ESPNL: variants seen among roughly 807,000 people sequenced by gnomAD.
The protein encoded by ESPNL is espin-like protein.
ESPNL carries 49 observed loss-of-function variants against 46.8 expected under a neutral mutation model. The observed-to-expected ratio is 1.05, with a 90% CI of 0.83 to 1.33. ESPNL has a LOEUF of 1.33. ESPNL is among the 40% of genes most tolerant of loss of function. The pLI, the probability that ESPNL is intolerant of heterozygous loss-of-function variation, is 0.00. For missense variants in ESPNL, 1,540 were observed against 1,436.6 expected, an observed-to-expected ratio of 1.07 and a Z score of -1.16; for synonymous variants, 664 against 662.1, an observed-to-expected ratio of 1.00 and a Z score of -0.04.
In ESPNL at chr2:238,130,626, C is replaced by T. The variant is rs763931737; in HGVS notation, c.1912C>T (p.Arg638Trp). 1.7e-5 allele frequency: 26 copies of T among 1,562,164 alleles called. No individual in the cohort carries two copies. Among genetic ancestry groups the T allele is most frequent in the Middle Eastern group, 1.7e-4 (1 of 6,012 alleles). ...TCREASASPPRSEAQRQIQEW... is the reference protein window; with the variant it reads ...TCREASASPPWSEAQRQIQEW... ...CAGGGAGGCCTCGGCCAGCCCCCCTCGGAGCGAGGCCCAGCGCCAGATCCA... is the reference window on the plus strand; with the variant it reads ...CAGGGAGGCCTCGGCCAGCCCCCCTTGGAGCGAGGCCCAGCGCCAGATCCA... The change falls in exon 9 of 9, where the codon CGG (arginine) becomes TGG (tryptophan). Residue 638 changes from arginine (R) to tryptophan (W), a missense_variant. Coordinates refer to ENST00000343063, the MANE Select transcript of ESPNL (RefSeq NM_194312.4).
chr2:238,110,975 C>T (rs1314641577), intron 4 of ESPNL, among the ~76,000 whole-genome samples: 5 of 85,464 alleles, frequency 5.9e-5, no homozygotes, highest in Admixed American at 1.6e-4. Context: ...TTTTTTGAGA[C>T]GGAGTCTCAC....
intron 3 of ESPNL, among the ~76,000 whole-genome samples, chr2:238,105,962 T>C (rs1261292114): frequency 6.6e-6 from 1 of 152,122 alleles, no homozygotes; most frequent in African/African-American, 2.4e-5. Flanking sequence ...CACTGCACCC[T>C]GTGCCTGGCA....
chr2:238,109,919 C>T (rs55976523), intron 4 of ESPNL, among the ~76,000 whole-genome samples: 1,515 of 55,644 alleles, frequency 0.027, 106 homozygotes, highest in East Asian at 0.12. Flanking sequence ...TAGGATGCCA[C>T]ACGTTACCGA....
rs771233207 is a variant in ESPNL, at chr2:238,130,619, C to T, written c.1905C>T (p.Ser635=). The T allele has an allele frequency of 7.7e-6, 12 of 1,563,222 alleles. No homozygotes were observed. In the East Asian group the frequency reaches 9.5e-5, roughly 12 times the overall value. Residue 635 remains serine (S), a synonymous_variant, in exon 9 of 9, where the codon AGC becomes AGT. Coordinates refer to ENST00000343063, the MANE Select transcript of ESPNL (RefSeq NM_194312.4). ...ACACCTGCAGGGAGGCCTCGGCCAGCCCCCCTCGGAGCGAGGCCCAGCGCC... is the reference window on the plus strand; with the variant it reads ...ACACCTGCAGGGAGGCCTCGGCCAGTCCCCCTCGGAGCGAGGCCCAGCGCC... ...LQDTCREASA[S]PPRSEAQRQI...
At chr2:238,104,531 G>A (rs1691551705) in intron 2 of ESPNL, 125 bp from the exon 3 acceptor site, 1 of 1,128,502 alleles carries the variant, frequency 8.9e-7, no homozygotes, top group East Asian at 2.8e-5. Flanking sequence ...AGCAGCAGCT[G>A]GAAAGCATGT....
In ESPNL at chr2:238,131,834, A is replaced by C; in HGVS notation, c.*102A>C. The C allele has an allele frequency of 1.5e-6, 2 of 1,316,036 alleles. No homozygotes were observed. Among genetic ancestry groups the C allele is most frequent in the Non-Finnish European group, 2.1e-6 (2 of 951,918 alleles). The allele number at this position is 1,316,036 out of a possible 1,614,324, so 81.5% of individuals were successfully genotyped here. A position where few individuals can be genotyped will look rare whatever the true frequency, so the allele number is the denominator to read the frequency against. On this transcript the variant is annotated 3_prime_UTR_variant, in exon 9 of 9. Transcript: ENST00000343063. ...CCTTGGTGTTCAGGTGAGCCGGGCAAGGCTGCCTCCAGTCCTACCAGTTAT... is the reference window on the plus strand; with the variant it reads ...CCTTGGTGTTCAGGTGAGCCGGGCACGGCTGCCTCCAGTCCTACCAGTTAT...
At chr2:238,106,678 G>A (rs553590677) in intron 3 of ESPNL, among the ~76,000 whole-genome samples, 7 of 152,336 alleles carry the variant, frequency 4.6e-5, no homozygotes, top group South Asian at 4.1e-4. Flanking sequence ...GATGAGCGGC[G>A]GCTGCACACA....
Position 238,100,587 on chromosome 2 carries a change from G to C in ESPNL, c.168G>C (p.Val56=). ...ACCTGGACTGCGTCAAGTTCTTGGTGCAGCGGGCCCAGCTGCCCGGCAACC... is the reference window on the plus strand; with the variant it reads ...ACCTGGACTGCGTCAAGTTCTTGGTCCAGCGGGCCCAGCTGCCCGGCAACC... ...AGHLDCVKFL[V]QRAQLPGNQR... The change falls in exon 1 of 9, where the codon GTG becomes GTC. Residue 56 remains valine (V), a synonymous_variant. Transcript: ENST00000343063. The C allele has an allele frequency of 6.4e-7, 1 of 1,554,702 alleles. No homozygotes were observed. Among genetic ancestry groups the C allele is most frequent in the Non-Finnish European group, 8.7e-7 (1 of 1,153,450 alleles).
In ESPNL at chr2:238,131,610, C is replaced by T. The variant is rs544430628; in HGVS notation, c.2896C>T (p.Gln966Ter). ...VPCSGPEPTA[Q>*]RLGSRSQQGS... ...CTGCAGCGGCCCTGAGCCCACAGCA[C>T]AGCGGCTGGGGTCCCGCTCCCAGCA... Residue 966 changes from glutamine (Q) to a stop codon, truncating the protein, a stop_gained, in exon 9 of 9, where the codon CAG (glutamine) becomes TAG (stop). Transcript: ENST00000343063. LOFTEE classifies it high-confidence loss of function. 6.2e-7 allele frequency: 1 copy of T among 1,611,660 alleles called. No individual in the cohort carries two copies. The highest frequency in any genetic ancestry group is 2.2e-5 in the East Asian group (1 of 44,816).
At position 238,131,589 on chromosome 2, in the gene ESPNL, A is replaced by T. The variant is rs1001475049; in HGVS notation, c.2875A>T (p.Ser959Cys). 2.9e-5 allele frequency: 46 copies of T among 1,611,514 alleles called. No individual in the cohort carries two copies. The highest frequency in any genetic ancestry group is 3.9e-5 in the Non-Finnish European group (46 of 1,179,182). Reference sequence around the variant, plus strand: ...CCTGCCTCACGCCGCCGTCCCCTGCAGCGGCCCTGAGCCCACAGCACAGCG... The same window carrying T: ...CCTGCCTCACGCCGCCGTCCCCTGCTGCGGCCCTGAGCCCACAGCACAGCG... ...GPLPHAAVPC[S>C]GPEPTAQRLG... Residue 959 changes from serine (S) to cysteine (C), a missense_variant, in exon 9 of 9, where the codon AGC becomes TGC. Transcript: ENST00000343063.
rs1170410356 is a variant in ESPNL at position 238,131,074 on chromosome 2, C to T, written c.2360C>T (p.Pro787Leu). The T allele has an allele frequency of 1.4e-5, 21 of 1,540,634 alleles. No individual in the cohort carries two copies. The highest frequency in any genetic ancestry group is 4.9e-5 in the East Asian group (2 of 40,778). The stretch of plus-strand genomic sequence containing the variant: ...GCCAGGAGCCCTGGGCCACCCTCCC[C>T]GCCCAGCGAGGGCCCCCGGCTGGGC... ...EAARSPGPPS[P>L]PSEGPRLGHL... Residue 787 changes from proline to leucine, a missense_variant, in exon 9 of 9, where the codon CCG (proline) becomes CTG (leucine). By Grantham distance (98) the Pro-to-Leu change is moderately conservative. Transcript: ENST00000343063.
intron 4 of ESPNL, among the ~76,000 whole-genome samples, chr2:238,110,119 T>C (rs57296469): frequency 0.2 from 23,241 of 114,794 alleles, 2,916 homozygotes; most frequent in Non-Finnish European, 0.3. Context: ...TAAGGTGCCA[T>C]ATGTTACCGA....
intron 4 of ESPNL, among the ~76,000 whole-genome samples, chr2:238,116,349 T>G (rs1300176374): frequency 6.6e-6 from 1 of 152,030 alleles, no homozygotes; most frequent in Non-Finnish European, 1.5e-5. Flanking sequence ...CCAAGTTGGC[T>G]GGGTAGGAGC....
At position 238,131,187 on chromosome 2, in the gene ESPNL, C is replaced by T. The variant is rs778353563; in HGVS notation, c.2473C>T (p.Arg825Trp). The T allele has an allele frequency of 6.8e-5, 105 of 1,543,938 alleles. No homozygotes were observed. Among genetic ancestry groups the T allele is most frequent in the Middle Eastern group, 6.7e-4 (4 of 5,986 alleles). The change falls in exon 9 of 9, where the codon CGG becomes TGG. Residue 825 changes from arginine to tryptophan, a missense_variant. Physicochemically the swap from Arg to Trp is moderately radical, Grantham distance 101. Coordinates refer to ENST00000343063, the MANE Select transcript of ESPNL (RefSeq NM_194312.4). ...TCACGTGCCCGCCCGGCAGCTGCGG[C>T]GGCTGAGCCGGCAGCCCCGCGGGGC... ...MAHVPARQLR[R>W]LSRQPRGALS...
rs756998182 is a variant in ESPNL at position 238,130,557 on chromosome 2, C to T, written c.1843C>T (p.Gln615Ter). 5 of 1,587,174 alleles carry T rather than the reference C, an allele frequency of 3.2e-6. No homozygotes were observed. The highest frequency in any genetic ancestry group is 4.3e-6 in the Non-Finnish European group (5 of 1,167,308). Reference sequence around the variant, plus strand: ...GCTGAAGGGCGTGCATGGGCTAGTACAGGGGGATGAGAAGCCATCCACCCG... The same window carrying T: ...GCTGAAGGGCGTGCATGGGCTAGTATAGGGGGATGAGAAGCCATCCACCCG... The part of the protein sequence containing the change: ...LLLKGVHGLV[Q>*]GDEKPSTRPL... The change falls in exon 9 of 9, where the codon CAG becomes TAG. Residue 615 changes from glutamine (Q) to a stop codon, truncating the protein, a stop_gained. Coordinates refer to ENST00000343063, the MANE Select transcript of ESPNL (RefSeq NM_194312.4). LOFTEE classifies it low-confidence loss of function (END_TRUNC).
intron 8 of ESPNL, 179 bp downstream of exon 8, chr2:238,129,083 G>A: frequency 7.0e-7 from 1 of 1,426,168 alleles, no homozygotes; most frequent in Non-Finnish European, 9.1e-7. Flanking sequence ...AGAGGACTCT[G>A]AGCAGAGCCC....
At chr2:238,111,606 C>A (rs1050102329) in intron 4 of ESPNL, among the ~76,000 whole-genome samples, 1 of 152,174 alleles carries the variant, frequency 6.6e-6, no homozygotes, top group Admixed American at 6.5e-5. Context: ...CCTGTTGTAA[C>A]GCATCAGAAT....
intron 6 of ESPNL, 141 bp from the exon 7 acceptor site, chr2:238,127,481 G>T: frequency 1.4e-6 from 2 of 1,407,704 alleles, no homozygotes; most frequent in Admixed American, 3.2e-5. Context: ...AGGTGTTCTG[G>T]GGCAGGGTGG....
Position 238,104,731 on chromosome 2 carries a change from C to T in ESPNL, c.561C>T (p.Ala187=), listed in dbSNP as rs1274551974. ...LACQEGHLHL[A]QFLVKDCGAD... ...GCCAGGAGGGCCACCTGCACCTGGC[C>T]CAGTTCCTGGTGAAGGACTGTGGCG... The change falls in exon 3 of 9, where the codon GCC becomes GCT. Residue 187 remains alanine (A), a synonymous_variant. Transcript: ENST00000343063. 2.5e-6 allele frequency: 4 copies of T among 1,608,484 alleles called. No individual in the cohort carries two copies. Among genetic ancestry groups the T allele is most frequent in the Non-Finnish European group, 3.4e-6 (4 of 1,178,680 alleles).
Sources: allele counts gnomAD v4.1 joint callset (sites outside exome capture counted in the v4.1 genomes callset), GRCh38; gene constraint gnomAD v4.1.1; transcripts MANE v1.5; gene names NCBI Gene and HGNC (gene_info 2026-07-23, HGNC 2026-07-21).